Variants in DMD observed in about 807,000 individuals in gnomAD.
DMD encodes the protein dystrophin, also known as mutant dystrophin.
DMD carries 63 observed loss-of-function variants against 330.1 expected under a neutral mutation model. The observed-to-expected ratio is 0.19, with a 90% CI of 0.16 to 0.24. DMD has a LOEUF of 0.24. Ranked by LOEUF, DMD falls within the 10% of genes least tolerant of loss-of-function variation. The probability of loss-of-function intolerance (pLI) is 1.00; values close to 1 mark genes in which losing one functional copy is unlikely to be tolerated. For synonymous variants in DMD, 1,223 were observed against 959.8 expected, an observed-to-expected ratio of 1.27 and a Z score of -5.07; for missense variants, 3,344 against 2,684.1, an observed-to-expected ratio of 1.25 and a Z score of -5.43.
intron 52 of DMD, among the ~76,000 whole-genome samples, chrX:31,682,746 C>T (rs1321965791): frequency 1.8e-5 from 2 of 112,134 alleles, no homozygotes; most frequent in East Asian, 5.6e-4. Context: ...TAACATTTTA[C>T]TATGCTAGCA....
intron 1 of DMD, among the ~76,000 whole-genome samples, chrX:33,290,773 G>T (rs963047594): frequency 1.8e-5 from 2 of 111,236 alleles, no homozygotes; most frequent in Non-Finnish European, 3.8e-5. Context: ...AAAATAAGCT[G>T]CCAGAAAGTC....
At chrX:32,085,671 TAC>T (rs1481539365) in intron 44 of DMD, among the ~76,000 whole-genome samples, 5 of 89,917 alleles carry the variant, frequency 5.6e-5, no homozygotes, top group African/African-American at 8.4e-5. Context: ...TACGTATATA[TAC>T]ACACGCGTAT....
chrX:31,201,189 A>ACG (rs2043421594), intron 67 of DMD, among the ~76,000 whole-genome samples: 3 of 107,985 alleles, frequency 2.8e-5, no homozygotes, highest in Non-Finnish European at 1.9e-5. Flanking sequence ...ACACACACAC[A>ACG]CACACACACG....
intron 2 of DMD, among the ~76,000 whole-genome samples, chrX:32,850,723 T>G (rs1161741379): frequency 8.9e-6 from 1 of 111,996 alleles, no homozygotes; most frequent in Non-Finnish European, 1.9e-5. Flanking sequence ...GTCTTTCTTT[T>G]GTCATACTTC....
intron 18 of DMD, chrX:32,516,956 TAAG>T (rs2045919265): frequency 1.8e-5 from 2 of 111,861 alleles, no homozygotes; most frequent in African/African-American, 6.5e-5. Context: ...TAGTTAACTC[TAAG>T]AAGAACTGGT....
intron 7 of DMD, among the ~76,000 whole-genome samples, chrX:32,775,288 G>C (rs1345290499): frequency 8.9e-6 from 1 of 112,290 alleles, no homozygotes; most frequent in Non-Finnish European, 1.9e-5. Context: ...GGGTCTAGAT[G>C]GTGGGCCTCT....
chrX:32,529,113 G>A (rs1453433400), intron 17 of DMD, among the ~76,000 whole-genome samples: 1 of 105,708 alleles, frequency 9.5e-6, no homozygotes, highest in Non-Finnish European at 1.9e-5. Flanking sequence ...TTTTCATAGA[G>A]ACGGGGTTTC....
Position 31,221,257 on chromosome X carries a change from C to T in DMD, c.9361+1790G>A, listed in dbSNP as rs149639904. Among the ~76,000 whole-genome samples the T allele has an allele frequency of 7.3e-3, 815 of 111,523 alleles. 3 individuals carry two copies. Among genetic ancestry groups the T allele is most frequent in the Middle Eastern group, 0.041 (9 of 218 alleles). On this transcript the variant is annotated intron_variant, in intron 64 of 78. Transcript: ENST00000357033. ...ATTATGTCACCCCCAGGCCAAATCC[C>T]CTGACCTCTAAATTCCTTAACTTGG... is the stretch of plus-strand genomic sequence containing the variant.
intron 12 of DMD, among the ~76,000 whole-genome samples, chrX:32,608,875 A>T (rs1339601848): frequency 1.8e-5 from 2 of 110,790 alleles, no homozygotes; most frequent in Admixed American, 1.9e-4. Flanking sequence ...GACAGGAAAT[A>T]AAATGAAACT....
chrX:32,246,967 C>T (rs184178562), intron 43 of DMD, among the ~76,000 whole-genome samples: 1 of 111,246 alleles, frequency 9.0e-6, no homozygotes, highest in African/African-American at 3.3e-5. Flanking sequence ...CCCACACACC[C>T]TACAGATATG....
intron 62 of DMD, chrX:31,261,238 T>C (rs2050481347): frequency 5.1e-6 from 2 of 390,716 alleles, no homozygotes; most frequent in South Asian, 7.3e-5. Flanking sequence ...ATAAACATTA[T>C]TCGGTTCCAG....
At chrX:32,273,887 C>A (rs2097374953) in intron 43 of DMD, among the ~76,000 whole-genome samples, 2 of 112,053 alleles carry the variant, frequency 1.8e-5, no homozygotes, top group African/African-American at 3.2e-5. Flanking sequence ...TTATTTAAGT[C>A]ATTTCTACCT....
At chrX:31,422,032 TATA>T (rs2063457052) in intron 60 of DMD, among the ~76,000 whole-genome samples, 2 of 8,794 alleles carry the variant, frequency 2.3e-4, no homozygotes, top group African/African-American at 2.9e-4. Flanking sequence ...CACACACATA[TATA>T]TATATATATT....
At chrX:32,706,290 G>A (rs1394831395) in intron 7 of DMD, among the ~76,000 whole-genome samples, 1 of 104,733 alleles carries the variant, frequency 9.5e-6, no homozygotes, top group East Asian at 3.2e-4. Flanking sequence ...GCGAAATGAC[G>A]AGTTAATGGG....
At chrX:31,614,162 A>G (rs1403032499) in intron 55 of DMD, among the ~76,000 whole-genome samples, 1 of 112,369 alleles carries the variant, frequency 8.9e-6, no homozygotes, top group African/African-American at 3.2e-5. Flanking sequence ...GGAGTAAATC[A>G]TGGGAAGAAT....
At chrX:31,428,973 C>T (rs758764083) in intron 60 of DMD, among the ~76,000 whole-genome samples, 4 of 110,080 alleles carry the variant, frequency 3.6e-5, no homozygotes, top group Non-Finnish European at 1.9e-5. Context: ...TAAAAAAAAA[C>T]TAGCTGGGCG....
At chrX:32,671,539 T>A (rs183008301) in intron 9 of DMD, among the ~76,000 whole-genome samples, 1 of 112,072 alleles carries the variant, frequency 8.9e-6, no homozygotes, top group East Asian at 2.8e-4. Context: ...GATAAAAATA[T>A]TATAATCATT....
chrX:32,394,923 A>AAAAAAAAAC (rs2098032390), intron 30 of DMD, among the ~76,000 whole-genome samples: 4 of 92,610 alleles, frequency 4.3e-5, no homozygotes, highest in African/African-American at 1.7e-4. Context: ...AAACAAAAAA[A>AAAAAAAAAC]AAAAAAAAAA....
intron 44 of DMD, among the ~76,000 whole-genome samples, chrX:32,194,623 A>C (rs1385824371): frequency 1.8e-5 from 2 of 111,405 alleles, no homozygotes; most frequent in African/African-American, 6.5e-5. Flanking sequence ...ACTGCATTTC[A>C]TGTGATACGT....
Sources: allele counts gnomAD v4.1 joint callset (sites outside exome capture counted in the v4.1 genomes callset), GRCh38; gene constraint gnomAD v4.1.1; transcripts MANE v1.5; gene names NCBI Gene and HGNC (gene_info 2026-07-23, HGNC 2026-07-21).